NIPA1: variants seen among roughly 807,000 people sequenced by gnomAD.
NIPA1 encodes the protein magnesium transporter NIPA1.
NIPA1 carries 13 observed loss-of-function variants against 23.9 expected under a neutral mutation model. That is an observed-to-expected ratio of 0.54 (90% CI 0.35 to 0.87). The LOEUF is 0.87. Among genes scored for constraint, NIPA1 ranks in the 40% least tolerant of loss-of-function variants. The pLI, the probability that NIPA1 is intolerant of heterozygous loss-of-function variation, is 0.01. For missense variants in NIPA1, 362 were observed against 429.7 expected (o/e 0.84, Z 1.39); for synonymous variants, 234 against 202.9 (o/e 1.15, Z -1.30).
chr15:22,793,469 C>G (rs1293743640), intron 1 of NIPA1, among the ~76,000 whole-genome samples: 1 of 149,932 alleles, frequency 6.7e-6, no homozygotes, highest in African/African-American at 2.5e-5. Context: ...GAGAGGGAGT[C>G]TTGCTCCATC....
Position 22,823,938 on chromosome 15 carries a change from G to C in NIPA1, c.689G>C (p.Cys230Ser). 13 of 1,614,156 alleles carry C rather than the reference G, an allele frequency of 8.1e-6. No homozygotes were observed. Among genetic ancestry groups the C allele is most frequent in the Non-Finnish European group, 1.0e-5 (12 of 1,180,016 alleles). The change falls in exon 5 of 5, where the codon TGC becomes TCC. Residue 230 changes from cysteine to serine, a missense_variant. Cys to Ser is a moderately radical substitution (Grantham distance 112). Coordinates refer to ENST00000337435, the MANE Select transcript of NIPA1 (RefSeq NM_144599.5). ...NPSSQRALCL[C>S]LVLLAVLGCS... ...TCCAGTCAGAGAGCCCTCTGCCTGT[G>C]CCTGGTACTCCTGGCCGTGCTCGGC... is the stretch of plus-strand genomic sequence containing the variant.
intron 3 of NIPA1, among the ~76,000 whole-genome samples, chr15:22,818,961 A>G (rs1895478963): frequency 6.6e-6 from 1 of 151,846 alleles, no homozygotes; most frequent in East Asian, 1.9e-4. Flanking sequence ...TTCCAGGCCC[A>G]CTTTTTGCCC....
At chr15:22,804,613 T>C (rs1445881541) in intron 1 of NIPA1, among the ~76,000 whole-genome samples, 1 of 152,160 alleles carries the variant, frequency 6.6e-6, no homozygotes, top group Non-Finnish European at 1.5e-5. Flanking sequence ...GTAAGCCACG[T>C]TGAGTTACAG....
chr15:22,798,091 C>G (rs572519041), intron 1 of NIPA1, among the ~76,000 whole-genome samples: 2 of 151,030 alleles, frequency 1.3e-5, no homozygotes, highest in South Asian at 4.2e-4. Context: ...TTGTGATCCC[C>G]CCGCCTCAGC....
chr15:22,816,200 T>G (rs1895413557), intron 3 of NIPA1, among the ~76,000 whole-genome samples: 1 of 138,148 alleles, frequency 7.2e-6, no homozygotes, highest in Admixed American at 7.2e-5. Flanking sequence ...TTTTTTTTTT[T>G]TTTTTTTGAG....
chr15:22,828,997 A>G lies in NIPA1; in HGVS notation c.*4758A>G. 1 of 152,402 alleles carries G rather than the reference A, an allele frequency of 6.6e-6. No homozygotes were observed. Among genetic ancestry groups the G allele is most frequent in the South Asian group, 2.1e-4 (1 of 4,830 alleles). The allele number at this position is 152,402 out of a possible 1,614,324, so 9.4% of individuals were successfully genotyped here. On this transcript the variant is annotated 3_prime_UTR_variant, in exon 5 of 5. Coordinates refer to ENST00000337435, the MANE Select transcript of NIPA1 (RefSeq NM_144599.5). Reference sequence around the variant, plus strand: ...AGTCTGCTCAGGACCATGCTGTAGGACACACAGCCTCATGCGCTGAGAAAG... The same window carrying G: ...AGTCTGCTCAGGACCATGCTGTAGGGCACACAGCCTCATGCGCTGAGAAAG...
In NIPA1 at chr15:22,823,826, A is replaced by C; in HGVS notation, c.577A>C (p.Ser193Arg). The C allele has an allele frequency of 6.2e-7, 1 of 1,614,142 alleles. No individual in the cohort carries two copies. Among genetic ancestry groups the C allele is most frequent in the South Asian group, 1.1e-5 (1 of 91,082 alleles). The change falls in exon 5 of 5, where the codon AGC (serine) becomes CGC (arginine). Residue 193 changes from serine (S) to arginine (R), a missense_variant. By Grantham distance (110) the Ser-to-Arg change is moderately radical. Around this residue, in one of 2 missense-constraint regions of NIPA1, gnomAD observed 277 missense variants for 372.0 expected, o/e 0.74. Transcript: ENST00000337435. ...GCCCACCAACATCATGGTCTACATC[A>C]GCATCTGCTCCTTGCTGGGCAGTTT... ...HGPTNIMVYI[S>R]ICSLLGSFTV...
chr15:22,812,763 T>C (rs941200013), intron 3 of NIPA1, among the ~76,000 whole-genome samples: 1 of 152,204 alleles, frequency 6.6e-6, no homozygotes, highest in African/African-American at 2.4e-5. Context: ...ATTTAGTATA[T>C]TTGAAACTGT....
chr15:22,818,567 G>A (rs1295966230), intron 3 of NIPA1, among the ~76,000 whole-genome samples: 1 of 151,940 alleles, frequency 6.6e-6, no homozygotes, highest in Non-Finnish European at 1.5e-5. Flanking sequence ...GAGGCGAGGC[G>A]GGTGAATCAC....
intron 3 of NIPA1, among the ~76,000 whole-genome samples, chr15:22,814,576 G>A (rs1669206588): frequency 7.0e-6 from 1 of 143,360 alleles, no homozygotes. Context: ...GAATTACATA[G>A]AAACAGAAAT....
chr15:22,797,746 G>T (rs1413122728), intron 1 of NIPA1, among the ~76,000 whole-genome samples: 2 of 150,360 alleles, frequency 1.3e-5, no homozygotes, highest in Admixed American at 6.6e-5. Context: ...CACGTGATCC[G>T]CCCACCTCGG....
chr15:22,814,198 G>GA (rs913243982), intron 3 of NIPA1: 13 of 822,342 alleles, frequency 1.6e-5, no homozygotes, highest in East Asian at 6.6e-5. Flanking sequence ...AATTAATTTG[G>GA]AAAAAAACAA....
intron 1 of NIPA1, among the ~76,000 whole-genome samples, chr15:22,790,986 A>G (rs1595629230): frequency 6.6e-6 from 1 of 152,078 alleles, no homozygotes; most frequent in African/African-American, 2.4e-5. Flanking sequence ...AATTTTTTAA[A>G]TTTTTGGATG....
chr15:22,792,253 T>C (rs1884261168), intron 1 of NIPA1, among the ~76,000 whole-genome samples: 2 of 152,160 alleles, frequency 1.3e-5, no homozygotes, highest in Admixed American at 6.5e-5. Flanking sequence ...GGGCCCAAAG[T>C]CAGGCTGCGC....
At position 22,825,878 on chromosome 15, in the gene NIPA1, A is replaced by G. The variant is rs1170972417; in HGVS notation, c.*1639A>G. 1 of 152,630 alleles carries G rather than the reference A, an allele frequency of 6.6e-6. No homozygotes were observed. Among genetic ancestry groups the G allele is most frequent in the East Asian group, 1.9e-4 (1 of 5,196 alleles). 9.5% of individuals were successfully genotyped at this position (152,630 alleles called of 1,614,324 possible). ...GAATCAAAGAGGTCATTCTCTGTCT[A>G]TAGTGTTCCCATCCATGTGTTCCAA... On this transcript the variant is annotated 3_prime_UTR_variant, in exon 5 of 5. Coordinates refer to ENST00000337435, the MANE Select transcript of NIPA1 (RefSeq NM_144599.5).
At chr15:22,808,676 A>ATTATTTTTTTTTTT in intron 1 of NIPA1, among the ~76,000 whole-genome samples, 1 of 52,606 alleles carries the variant, frequency 1.9e-5, no homozygotes, top group Non-Finnish European at 3.1e-5. Flanking sequence ...AAATAGCAAT[A>ATTATTTTTTTTTTT]TTCTTTTTTT....
At chr15:22,799,873 G>T (rs1207440046) in intron 1 of NIPA1, among the ~76,000 whole-genome samples, 9 of 145,204 alleles carry the variant, frequency 6.2e-5, no homozygotes, top group Non-Finnish European at 1.2e-4. Context: ...GAACCCAGGA[G>T]GTTGAGGCTT....
intron 4 of NIPA1, 92 bp from the exon 5 acceptor site, chr15:22,823,636 C>A: frequency 7.4e-7 from 1 of 1,359,824 alleles, no homozygotes; most frequent in Non-Finnish European, 1.0e-6. Context: ...TGGCGGGTGG[C>A]GGGTGGGGGC....
chr15:22,816,931 C>A (rs909328067), intron 3 of NIPA1, among the ~76,000 whole-genome samples: 1 of 151,826 alleles, frequency 6.6e-6, no homozygotes, highest in African/African-American at 2.4e-5. Flanking sequence ...CTCCTGTAAT[C>A]CCAGCACTCT....
Sources: allele counts gnomAD v4.1 joint callset (sites outside exome capture counted in the v4.1 genomes callset), GRCh38; gene constraint gnomAD v4.1.1; regional missense constraint gnomAD v4.1.1; transcripts MANE v1.5; gene names NCBI Gene and HGNC (gene_info 2026-07-23, HGNC 2026-07-21).